The following SRPK2 variants were observed in gnomAD, a reference collection of about 807,000 sequenced individuals.
SRPK2 encodes SFRS protein kinase 2.
SRPK2 carries 21 observed loss-of-function variants against 90.8 expected under a neutral mutation model. The ratio of observed to expected loss-of-function variants is 0.23; its 90% CI spans 0.16 to 0.33. The LOEUF is 0.33. Ranked by LOEUF, SRPK2 falls within the 10% of genes least tolerant of loss-of-function variation. The pLI, the probability that SRPK2 is intolerant of heterozygous loss-of-function variation, is 1.00. For synonymous variants in SRPK2, 288 were observed against 311.1 expected (o/e 0.93, Z 0.78); for missense variants, 620 against 869.0 (o/e 0.71, Z 3.60).
chr7:105,366,161 T>C (rs1819030872), intron 2 of SRPK2, among the ~76,000 whole-genome samples: 1 of 151,514 alleles, frequency 6.6e-6, no homozygotes, highest in Non-Finnish European at 1.5e-5. Context: ...CCTAATGATT[T>C]TCTTAATGGT....
Position 105,178,617 on chromosome 7 carries a change from G to A in SRPK2, c.230-9352C>T, listed in dbSNP as rs963112659. On this transcript the variant is annotated intron_variant, in intron 3 of 15. Transcript: ENST00000393651. ...GAGGATCACTTGAAGCCAGGAGTTC[G>A]AGACTAGCCTGGGCAAAAGAGTGAG... Among the ~76,000 whole-genome samples, 69 of 152,066 alleles carry A rather than the reference G, an allele frequency of 4.5e-4. 1 individual carries two copies. The highest frequency in any genetic ancestry group is 6.8e-3 in the Middle Eastern group (2 of 292).
intron 3 of SRPK2, among the ~76,000 whole-genome samples, chr7:105,191,882 CT>C (rs1323159078): frequency 0.035 from 5,048 of 143,958 alleles, 273 homozygotes; most frequent in African/African-American, 0.12. Context: ...ACAAAAAAAA[CT>C]TTTTTTTTTT....
intron 2 of SRPK2, among the ~76,000 whole-genome samples, chr7:105,269,783 T>C (rs1805586706): frequency 6.6e-6 from 1 of 152,240 alleles, no homozygotes; most frequent in Non-Finnish European, 1.5e-5. Flanking sequence ...TTTAAGTTAA[T>C]AAAACTGACA....
chr7:105,375,827 A>G (rs1462582926), intron 2 of SRPK2, among the ~76,000 whole-genome samples: 1 of 152,038 alleles, frequency 6.6e-6, no homozygotes, highest in Non-Finnish European at 1.5e-5. Flanking sequence ...CCAGAACGGT[A>G]TGGAGAAGCT....
chr7:105,122,965 C>T (rs1800624687), intron 15 of SRPK2, among the ~76,000 whole-genome samples: 1 of 151,886 alleles, frequency 6.6e-6, no homozygotes, highest in African/African-American at 2.4e-5. Flanking sequence ...GCTGAATGGT[C>T]AGAAAAATTC....
At chr7:105,176,763 GT>G (rs1585062427) in intron 3 of SRPK2, among the ~76,000 whole-genome samples, 2 of 151,508 alleles carry the variant, frequency 1.3e-5, no homozygotes, top group East Asian at 3.9e-4. Flanking sequence ...GTGTGTGTGT[GT>G]GTGTGTGTGT....
chr7:105,324,133 A>T (rs1202491176), intron 2 of SRPK2, among the ~76,000 whole-genome samples: 1 of 151,244 alleles, frequency 6.6e-6, no homozygotes, highest in East Asian at 2.0e-4. Flanking sequence ...AGTAGCTGGG[A>T]TTACAGGCCC....
intron 2 of SRPK2, among the ~76,000 whole-genome samples, chr7:105,365,487 CAAAAAAAA>C (rs374198950): frequency 2.9e-5 from 2 of 69,712 alleles, no homozygotes; most frequent in Admixed American, 3.7e-4. Flanking sequence ...AATTCTGTCT[CAAAAAAAA>C]AAAAAAAAAA....
chr7:105,345,356 C>T (rs977197181), intron 2 of SRPK2, among the ~76,000 whole-genome samples: 1 of 152,230 alleles, frequency 6.6e-6, no homozygotes. Flanking sequence ...TGATGAATCT[C>T]AATTCTCAGT....
At chr7:105,290,987 G>A (rs1808908768) in intron 2 of SRPK2, among the ~76,000 whole-genome samples, 1 of 140,492 alleles carries the variant, frequency 7.1e-6, no homozygotes, top group South Asian at 2.3e-4. Flanking sequence ...GCAGTGAGCC[G>A]AGATTGCGCC....
intron 2 of SRPK2, among the ~76,000 whole-genome samples, chr7:105,289,032 A>G (rs1808569278): frequency 6.6e-6 from 1 of 151,180 alleles, no homozygotes; most frequent in Admixed American, 6.6e-5. Context: ...CGAGGCAGGC[A>G]GATCACAAGG....
At chr7:105,324,685 C>G (rs1456488417) in intron 2 of SRPK2, among the ~76,000 whole-genome samples, 1 of 152,070 alleles carries the variant, frequency 6.6e-6, no homozygotes, top group Non-Finnish European at 1.5e-5. Context: ...TCAGGAGTTT[C>G]AGACCAGCCT....
At chr7:105,150,793 GA>G (rs1203021072) in intron 7 of SRPK2, among the ~76,000 whole-genome samples, 2 of 152,240 alleles carry the variant, frequency 1.3e-5, no homozygotes, top group African/African-American at 4.8e-5. Flanking sequence ...AAAGGAATAC[GA>G]TTTTTGAAAA....
intron 3 of SRPK2, among the ~76,000 whole-genome samples, chr7:105,176,552 C>CAT (rs200669601): frequency 1.5e-5 from 2 of 131,848 alleles, no homozygotes; most frequent in African/African-American, 3.1e-5. Context: ...TGTGGTTTTG[C>CAT]ATATATGTGT....
intron 2 of SRPK2, among the ~76,000 whole-genome samples, chr7:105,220,324 C>G (rs1474206185): frequency 1.3e-5 from 2 of 151,928 alleles, no homozygotes; most frequent in Non-Finnish European, 2.9e-5. Flanking sequence ...GTCAAGAGAT[C>G]GATACCAGCC....
Position 105,352,793 on chromosome 7 carries a change from C to T in SRPK2, c.71+35855G>A, listed in dbSNP as rs1359587767. Among the ~76,000 whole-genome samples the T allele has an allele frequency of 2.6e-5, 4 of 151,938 alleles. No individual in the cohort carries two copies. The South Asian group carries it at 6.2e-4, about 24-fold the overall frequency. On this transcript the variant is annotated intron_variant, in intron 2 of 15. Coordinates refer to ENST00000393651, the MANE Select transcript of SRPK2 (RefSeq NM_182692.3). Reference sequence around the variant, plus strand: ...GCGCACGCCTGTAATCCCAGCTACTCGGGAGGCTGAGGCAGGAGAATTGCT... The same window carrying T: ...GCGCACGCCTGTAATCCCAGCTACTTGGGAGGCTGAGGCAGGAGAATTGCT...
At chr7:105,132,491 T>C (rs1249376601) in intron 13 of SRPK2, among the ~76,000 whole-genome samples, 1 of 152,132 alleles carries the variant, frequency 6.6e-6, no homozygotes, top group Non-Finnish European at 1.5e-5. Flanking sequence ...ACAAGTGAAG[T>C]CACTGTGTCA....
intron 7 of SRPK2, among the ~76,000 whole-genome samples, chr7:105,157,297 C>CT (rs953845580): frequency 3.3e-5 from 5 of 152,100 alleles, no homozygotes; most frequent in African/African-American, 1.2e-4. Context: ...ATCCATGACT[C>CT]TTAAGAAGAA....
chr7:105,393,907 C>T (rs757874739), upstream of SRPK2, among the ~76,000 whole-genome samples: 85 of 151,894 alleles, frequency 5.6e-4, no homozygotes, highest in Admixed American at 7.9e-4. Context: ...TGCTGCATTC[C>T]AACCTGAGCA....
Sources: allele counts gnomAD v4.1 joint callset (sites outside exome capture counted in the v4.1 genomes callset), GRCh38; gene constraint gnomAD v4.1.1; transcripts MANE v1.5; gene names NCBI Gene and HGNC (gene_info 2026-07-23, HGNC 2026-07-21).